OSBPL10: variants seen among roughly 807,000 people sequenced by gnomAD.
OSBPL10 encodes oxysterol binding protein like 10, also known as oxysterol-binding protein-related protein 10.
Under a neutral mutation model 81.7 loss-of-function variants are expected in OSBPL10, and 49 were observed. That is an observed-to-expected ratio of 0.60 (90% CI 0.48 to 0.76). OSBPL10 has a LOEUF of 0.76. Ranked by LOEUF, OSBPL10 falls within the 30% of genes least tolerant of loss-of-function variation. OSBPL10 has a pLI of 0.00. For missense variants in OSBPL10, 923 were observed against 987.8 expected, an observed-to-expected ratio of 0.93 and a Z score of 0.88; for synonymous variants, 419 against 383.6, an observed-to-expected ratio of 1.09 and a Z score of -1.08.
intron 1 of OSBPL10, among the ~76,000 whole-genome samples, chr3:31,966,929 A>G (rs1162551755): frequency 6.6e-6 from 1 of 152,196 alleles, no homozygotes; most frequent in South Asian, 2.1e-4. Context: ...TAAAAATATC[A>G]TAATACCAAG....
At chr3:31,813,642 G>T (rs1699764463) in intron 4 of OSBPL10, among the ~76,000 whole-genome samples, 1 of 152,170 alleles carries the variant, frequency 6.6e-6, no homozygotes, top group African/African-American at 2.4e-5. Context: ...GAGGCAAAAT[G>T]GGGTAGGGGA....
chr3:31,901,850 C>T (rs1447082318), intron 1 of OSBPL10, among the ~76,000 whole-genome samples: 7 of 152,096 alleles, frequency 4.6e-5, no homozygotes, highest in Non-Finnish European at 8.8e-5. Flanking sequence ...TCAGCCTGGG[C>T]AATACGGCAA....
intron 1 of OSBPL10, among the ~76,000 whole-genome samples, chr3:31,968,092 ATT>A (rs2125483851): frequency 6.6e-6 from 1 of 152,348 alleles, no homozygotes; most frequent in Admixed American, 6.5e-5. Context: ...CAGTTGCTTT[ATT>A]ATTTTTTCTT....
chr3:31,803,157 A>C (rs990253285), intron 4 of OSBPL10, among the ~76,000 whole-genome samples: 6 of 152,088 alleles, frequency 3.9e-5, no homozygotes, highest in African/African-American at 1.4e-4. Flanking sequence ...CAAAAGAAGA[A>C]GGCAACAAGA....
At chr3:31,775,752 T>G (rs2125758037) in intron 4 of OSBPL10, among the ~76,000 whole-genome samples, 1 of 151,380 alleles carries the variant, frequency 6.6e-6, no homozygotes, top group Non-Finnish European at 1.5e-5. Context: ...GAGGTAAGAG[T>G]AATCTGGAAT....
intron 1 of OSBPL10, among the ~76,000 whole-genome samples, chr3:32,063,232 C>T (rs1252468985): frequency 1.1e-5 from 1 of 92,998 alleles, no homozygotes; most frequent in Non-Finnish European, 2.9e-5. Context: ...TTATCCAGCT[C>T]TCAGGGGAGA....
intron 3 of OSBPL10, among the ~76,000 whole-genome samples, chr3:31,867,905 A>G (rs990836064): frequency 6.6e-6 from 1 of 152,188 alleles, no homozygotes; most frequent in African/African-American, 2.4e-5. Flanking sequence ...CAGGTCCCCA[A>G]CTGAACACTC....
chr3:31,730,518 T>C (rs542753467), intron 6 of OSBPL10, among the ~76,000 whole-genome samples: 1 of 152,278 alleles, frequency 6.6e-6, no homozygotes, highest in African/African-American at 2.4e-5. Context: ...GAAAAAATTG[T>C]TTTACTAATA....
rs77859588 is a variant in OSBPL10 at position 31,855,005 on chromosome 3, T to G, written c.537+21428A>C. On this transcript the variant is annotated intron_variant, in intron 3 of 11. Transcript: ENST00000396556. ...TAGGTATCGCATTTGGTTGTCATGGTTTTGTTTTGTTTTGTTTTGTTTTTG... is the reference window on the plus strand; with the variant it reads ...TAGGTATCGCATTTGGTTGTCATGGGTTTGTTTTGTTTTGTTTTGTTTTTG... 3.6e-3 allele frequency among the ~76,000 whole-genome samples: 546 copies of G among 150,878 alleles called. 3 individuals are homozygous for G. The highest frequency in any genetic ancestry group is 0.012 in the African/African-American group (499 of 41,282).
chr3:31,831,418 A>G (rs953166645), intron 3 of OSBPL10, among the ~76,000 whole-genome samples: 2 of 151,890 alleles, frequency 1.3e-5, no homozygotes, highest in Non-Finnish European at 2.9e-5. Flanking sequence ...AAAAAAAAAA[A>G]AGAAAAGAAA....
chr3:31,928,049 C>T (rs531757262), intron 1 of OSBPL10, among the ~76,000 whole-genome samples: 1 of 152,224 alleles, frequency 6.6e-6, no homozygotes, highest in African/African-American at 2.4e-5. Context: ...GAACCACGAC[C>T]AGTAAAAATA....
chr3:31,926,290 C>CCCCCAT (rs759132998), intron 1 of OSBPL10, among the ~76,000 whole-genome samples: 1 of 45,430 alleles, frequency 2.2e-5, no homozygotes, highest in South Asian at 1.4e-3. Flanking sequence ...GGTGATTTTG[C>CCCCCAT]CCCCCCAGAG....
intron 1 of OSBPL10, among the ~76,000 whole-genome samples, chr3:32,069,063 GGTGGCTGGAGTT>G (rs1699805735): frequency 1.3e-5 from 2 of 152,106 alleles, no homozygotes; most frequent in Non-Finnish European, 2.9e-5. Flanking sequence ...CTCTTAGAGA[GGTGGCTGGAGTT>G]GAAGGCATAG....
At chr3:31,725,736 T>C (rs951746534) in intron 6 of OSBPL10, among the ~76,000 whole-genome samples, 4 of 152,198 alleles carry the variant, frequency 2.6e-5, no homozygotes, top group Non-Finnish European at 1.5e-5. Context: ...TAAATTTACT[T>C]CTACTGGAAC....
At chr3:31,681,031 T>C (rs1575471623) in intron 8 of OSBPL10, among the ~76,000 whole-genome samples, 1 of 152,356 alleles carries the variant, frequency 6.6e-6, no homozygotes, top group Middle Eastern at 3.4e-3. Context: ...GATGTATTTT[T>C]ACATCTTTCC....
chr3:31,845,925 C>G (rs1367504989), intron 3 of OSBPL10, among the ~76,000 whole-genome samples: 1 of 152,162 alleles, frequency 6.6e-6, no homozygotes, highest in African/African-American at 2.4e-5. Context: ...CAACTGTGGT[C>G]AAGACATGGA....
At chr3:31,743,305 C>T (rs1054795396) in intron 5 of OSBPL10, among the ~76,000 whole-genome samples, 4 of 152,122 alleles carry the variant, frequency 2.6e-5, no homozygotes, top group Admixed American at 2.6e-4. Flanking sequence ...TCCCAAAGTG[C>T]TGAGATTACA....
At chr3:31,776,887 G>C (rs532572129) in intron 4 of OSBPL10, among the ~76,000 whole-genome samples, 1 of 151,932 alleles carries the variant, frequency 6.6e-6, no homozygotes, top group Non-Finnish European at 1.5e-5. Flanking sequence ...ACAACACTGT[G>C]AATACACTAA....
At chr3:31,822,913 T>TGAAAAAAAAAAAAAAAAAAAAA (rs1700012989) in intron 4 of OSBPL10, among the ~76,000 whole-genome samples, 1 of 89,146 alleles carries the variant, frequency 1.1e-5, no homozygotes, top group Non-Finnish European at 2.3e-5. Context: ...CCCCCAACTC[T>TGAAAAAAAAAAAAAAAAAAAAA]AAAAAAAAAA....
Sources: gnomAD v4.1 joint callset for allele counts (sites outside exome capture counted in the v4.1 genomes callset) on GRCh38, gnomAD v4.1.1 for gene constraint, MANE v1.5 for transcripts, NCBI Gene and HGNC (gene_info 2026-07-23, HGNC 2026-07-21) for gene names.